Variants in STS observed in about 807,000 individuals in gnomAD.
The protein encoded by STS is steryl-sulfatase.
Under a neutral mutation model 26.8 loss-of-function variants are expected in STS, and 7 were observed. The observed-to-expected ratio is 0.26, with a 90% CI of 0.15 to 0.49. STS has a LOEUF of 0.49. Ranked by LOEUF, STS falls within the 20% of genes least tolerant of loss-of-function variation. STS has a pLI of 0.98. For synonymous variants in STS, 199 were observed against 189.4 expected, an observed-to-expected ratio of 1.05 and a Z score of -0.42; for missense variants, 434 against 465.6, an observed-to-expected ratio of 0.93 and a Z score of 0.63.
chrX:7,204,549 C>G lies in STS; in HGVS notation c.-5+13541C>G, dbSNP rs191583368. ...CCTCCCTCCCTCCCTCCTTTCCTCC[C>G]TTCCTTCCCTTCCTTTTCTTCCTTT... is the stretch of plus-strand genomic sequence containing the variant. On this transcript the variant is annotated intron_variant, in intron 2 of 10. Coordinates refer to ENST00000674429, the MANE Select transcript of STS (RefSeq NM_001320752.2). Among the ~76,000 whole-genome samples the G allele has an allele frequency of 8.4e-3, 786 of 94,021 alleles. 6 individuals carry two copies. The highest frequency in any genetic ancestry group is 0.027 in the Middle Eastern group (5 of 186). The allele number at this position is 94,021 out of a possible 115,157, so 81.6% of individuals were successfully genotyped here. A position where few individuals can be genotyped will look rare whatever the true frequency, so the allele number is the denominator to read the frequency against.
At chrX:7,246,542 G>A (rs781348737) in intron 2 of STS, among the ~76,000 whole-genome samples, 8 of 110,711 alleles carry the variant, frequency 7.2e-5, no homozygotes, top group South Asian at 3.8e-4. Context: ...TCCTGACATC[G>A]TGATCCGCCC....
chrX:7,148,245 C>T, intron 1 of STS, 162 bp downstream of exon 1: 1 of 338,134 alleles, frequency 3.0e-6, no homozygotes, highest in Non-Finnish European at 5.0e-6. Context: ...CGGCCCCTCG[C>T]CCGGCTCCGA....
intron 2 of STS, among the ~76,000 whole-genome samples, chrX:7,193,255 G>A (rs1158145107): frequency 1.8e-5 from 2 of 111,731 alleles, no homozygotes; most frequent in Non-Finnish European, 3.8e-5. Flanking sequence ...TTCTGTTTCA[G>A]AAACAAACTT....
intron 1 of STS, among the ~76,000 whole-genome samples, chrX:7,159,386 C>T (rs1333868630): frequency 8.9e-6 from 1 of 111,819 alleles, no homozygotes; most frequent in Non-Finnish European, 1.9e-5. Context: ...GTGTAACTCA[C>T]GTAACAAACA....
At chrX:7,244,726 A>G (rs777560381) in intron 2 of STS, among the ~76,000 whole-genome samples, 1 of 111,320 alleles carries the variant, frequency 9.0e-6, no homozygotes, top group Non-Finnish European at 1.9e-5. Context: ...GGTGCTAAGC[A>G]TCTTACAATG....
At chrX:7,191,346 G>C (rs1933869092) in intron 2 of STS, among the ~76,000 whole-genome samples, 1 of 111,963 alleles carries the variant, frequency 8.9e-6, no homozygotes, top group African/African-American at 3.3e-5. Flanking sequence ...TATAGGTATG[G>C]GGGCTTACAA....
rs183666605 is a variant in STS at position 7,168,318 on chromosome X, C to T, written c.-134+20235C>T. Among the ~76,000 whole-genome samples, 12 of 111,506 alleles carry T rather than the reference C, an allele frequency of 1.1e-4. No homozygotes were observed. The East Asian group carries it at 3.1e-3, about 29-fold the overall frequency. On this transcript the variant is annotated intron_variant, in intron 1 of 10. Coordinates refer to ENST00000674429, the MANE Select transcript of STS (RefSeq NM_001320752.2). ...ATGGCAAACAGATGTCTGGGGGAAA[C>T]GGATATGTAAGATTGGCTTTGGTTG...
At chrX:7,160,847 A>G (rs1255798654) in intron 1 of STS, among the ~76,000 whole-genome samples, 5 of 112,503 alleles carry the variant, frequency 4.4e-5, no homozygotes, top group Admixed American at 1.9e-4. Flanking sequence ...GAGTGGAAAT[A>G]CGTATCCTAA....
Position 7,329,700 on chromosome X carries a change from G to A in STS, c.1241+4202G>A, listed in dbSNP as rs143532895. Among the ~76,000 whole-genome samples, 346 of 111,959 alleles carry A rather than the reference G, an allele frequency of 3.1e-3. 1 individual carries two copies. The highest frequency in any genetic ancestry group is 0.01 in the African/African-American group (321 of 30,810). ...ACAAAGTGCCTTTGCTTCTTTCTGC[G>A]TTTTGTTTGAAGAAGATAACTTCTG... is the stretch of plus-strand genomic sequence containing the variant. On this transcript the variant is annotated intron_variant, in intron 9 of 10. Transcript: ENST00000674429.
intron 3 of STS, among the ~76,000 whole-genome samples, chrX:7,255,096 A>G (rs1336361792): frequency 8.9e-6 from 1 of 112,562 alleles, no homozygotes; most frequent in Non-Finnish European, 1.9e-5. Flanking sequence ...CTTTCCCACA[A>G]GACATAGCCA....
chrX:7,324,785 C>T (rs1348064850), intron 8 of STS, among the ~76,000 whole-genome samples: 3 of 111,458 alleles, frequency 2.7e-5, no homozygotes, highest in East Asian at 2.8e-4. Context: ...TTCTGTTAGT[C>T]GAGGGGCTTA....
chrX:7,245,012 A>G (rs1922799132), intron 2 of STS, among the ~76,000 whole-genome samples: 1 of 112,096 alleles, frequency 8.9e-6, no homozygotes, highest in Admixed American at 9.5e-5. Context: ...TGAAACATGA[A>G]CCTAGTAATG....
intron 1 of STS, among the ~76,000 whole-genome samples, chrX:7,180,060 C>T (rs1933651468): frequency 9.0e-6 from 1 of 111,626 alleles, no homozygotes; most frequent in South Asian, 3.8e-4. Flanking sequence ...TACTCTACGG[C>T]AGTGGTCCCC....
intron 8 of STS, among the ~76,000 whole-genome samples, chrX:7,312,736 G>C (rs1926541422): frequency 9.0e-6 from 1 of 111,563 alleles, no homozygotes; most frequent in African/African-American, 3.3e-5. Context: ...ATGATTTTGA[G>C]GCCCCCTAGC....
At chrX:7,220,025 A>G (rs2072326) in intron 2 of STS, among the ~76,000 whole-genome samples, 39,814 of 110,980 alleles carry the variant, frequency 0.36, 5,281 homozygotes, top group East Asian at 0.39. Flanking sequence ...TTATTGCATC[A>G]GGAGATGTCA....
intron 8 of STS, among the ~76,000 whole-genome samples, chrX:7,311,144 C>A (rs1024024116): frequency 9.1e-6 from 1 of 110,169 alleles, no homozygotes; most frequent in South Asian, 4.0e-4. Flanking sequence ...CTTTTGTCAG[C>A]TGTATCAATT....
At chrX:7,180,917 T>G (rs1933668088) in intron 1 of STS, among the ~76,000 whole-genome samples, 1 of 112,470 alleles carries the variant, frequency 8.9e-6, no homozygotes, top group Non-Finnish European at 1.9e-5. Flanking sequence ...TATCAACCTG[T>G]TCACAGCATG....
intron 2 of STS, among the ~76,000 whole-genome samples, chrX:7,240,003 G>T (rs1159681528): frequency 9.3e-6 from 1 of 107,103 alleles, no homozygotes; most frequent in African/African-American, 3.4e-5. Flanking sequence ...TCCTGCCTCA[G>T]CCTCCCGAGT....
At chrX:7,311,795 A>G (rs753528155) in intron 8 of STS, among the ~76,000 whole-genome samples, 2 of 112,431 alleles carry the variant, frequency 1.8e-5, no homozygotes, top group Admixed American at 1.9e-4. Context: ...ATCTGCAGTG[A>G]GCTATGATTG....
Sources: allele counts gnomAD v4.1 joint callset (sites outside exome capture counted in the v4.1 genomes callset), GRCh38; gene constraint gnomAD v4.1.1; transcripts MANE v1.5; gene names NCBI Gene and HGNC (gene_info 2026-07-23, HGNC 2026-07-21).